The following CNTNAP5 variants were observed in gnomAD, a reference collection of about 807,000 sequenced individuals.
CNTNAP5 encodes contactin-associated protein-like 5.
A neutral mutation model predicts 150.2 loss-of-function variants in CNTNAP5; 72 were observed. That is an observed-to-expected ratio of 0.48 (90% CI 0.40 to 0.58). CNTNAP5 has a LOEUF of 0.58. Ranked by LOEUF, CNTNAP5 falls within the 20% of genes least tolerant of loss-of-function variation. The probability of loss-of-function intolerance (pLI) is 0.00; values close to 1 mark genes in which losing one functional copy is unlikely to be tolerated. For missense variants in CNTNAP5, 1,636 were observed against 1,626.2 expected (o/e 1.01, Z -0.10); for synonymous variants, 672 against 619.8 (o/e 1.08, Z -1.25).
chr2:124,103,559 T>C (rs144287640), intron 1 of CNTNAP5, among the ~76,000 whole-genome samples: 109 of 152,232 alleles, frequency 7.2e-4, no homozygotes, highest in African/African-American at 2.5e-3. Flanking sequence ...TGTTTAGCTA[T>C]GTTAAAATAC....
chr2:124,722,451 T>A (rs1162125092), intron 13 of CNTNAP5, among the ~76,000 whole-genome samples: 1 of 152,144 alleles, frequency 6.6e-6, no homozygotes, highest in Admixed American at 6.5e-5. Flanking sequence ...AAGGAGAAAT[T>A]GAGAAGAAGA....
intron 8 of CNTNAP5, among the ~76,000 whole-genome samples, chr2:124,519,305 T>A (rs1333416853): frequency 1.3e-5 from 2 of 151,752 alleles, no homozygotes; most frequent in African/African-American, 4.8e-5. Flanking sequence ...TTAAAAACCA[T>A]TGGGTTTCAC....
rs146591991 is a variant in CNTNAP5, at chr2:124,353,528, C to T, written c.382-63915C>T. Among the ~76,000 whole-genome samples, 3 of 152,246 alleles carry T rather than the reference C, an allele frequency of 2.0e-5. No individual in the cohort carries two copies. The East Asian group carries it at 5.8e-4, about 29-fold the overall frequency. On this transcript the variant is annotated intron_variant, in intron 3 of 23. Transcript: ENST00000682447. Reference sequence around the variant, plus strand: ...GGTCAGACAGGCAATGCATATTTTACACAGAAAACTATAAGCCTGTCCCAT... The same window carrying T: ...GGTCAGACAGGCAATGCATATTTTATACAGAAAACTATAAGCCTGTCCCAT...
rs368302731 is a variant in CNTNAP5 at position 124,616,194 on chromosome 2, TTCTTC to T, written c.1876+6283_1876+6287del. Among the ~76,000 whole-genome samples the T allele has an allele frequency of 5.7e-3, 874 of 152,312 alleles. 8 individuals carry two copies. The highest frequency in any genetic ancestry group is 0.02 in the African/African-American group (825 of 41,564). On this transcript the variant is annotated intron_variant, in intron 12 of 23. Transcript: ENST00000682447. ...GAAGCTTTAAAGATAGGCATTGTCT[TTCTTC>T]TCTTCTCTACCTCTGATAATCTTAG... is the stretch of plus-strand genomic sequence containing the variant.
intron 8 of CNTNAP5, among the ~76,000 whole-genome samples, chr2:124,508,350 A>T (rs1326857439): frequency 6.6e-6 from 1 of 152,194 alleles, no homozygotes; most frequent in Non-Finnish European, 1.5e-5. Context: ...CATGTTCCAA[A>T]TTATAAAAAT....
At chr2:124,275,776 ATTC>A in intron 3 of CNTNAP5, among the ~76,000 whole-genome samples, 1 of 152,226 alleles carries the variant, frequency 6.6e-6, no homozygotes, top group East Asian at 1.9e-4. Context: ...AATCTCCAGT[ATTC>A]TTGGCATTTA....
At chr2:124,303,141 T>A (rs1156581200) in intron 3 of CNTNAP5, among the ~76,000 whole-genome samples, 1 of 152,110 alleles carries the variant, frequency 6.6e-6, no homozygotes, top group Non-Finnish European at 1.5e-5. Context: ...TCACTCCTTC[T>A]CATGAACATT....
intron 22 of CNTNAP5, among the ~76,000 whole-genome samples, chr2:124,909,199 T>G (rs905777800): frequency 2.0e-5 from 3 of 152,172 alleles, no homozygotes; most frequent in African/African-American, 7.2e-5. Flanking sequence ...AAGTGCCCTG[T>G]GCAGGTGTAG....
At chr2:124,483,402 C>T (rs1042524450) in intron 7 of CNTNAP5, among the ~76,000 whole-genome samples, 2 of 152,288 alleles carry the variant, frequency 1.3e-5, no homozygotes, top group African/African-American at 2.4e-5. Flanking sequence ...TCACCATTAG[C>T]GCAGGCCGGT....
chr2:124,066,232 C>A (rs1222597916), intron 1 of CNTNAP5, among the ~76,000 whole-genome samples: 1 of 152,136 alleles, frequency 6.6e-6, no homozygotes, highest in Non-Finnish European at 1.5e-5. Flanking sequence ...TGGATACTCA[C>A]ACTAAAACTC....
intron 3 of CNTNAP5, among the ~76,000 whole-genome samples, chr2:124,362,619 A>T (rs1442088735): frequency 6.6e-6 from 1 of 152,194 alleles, no homozygotes; most frequent in Non-Finnish European, 1.5e-5. Flanking sequence ...ACTGTTATTT[A>T]TGGGGCTGTG....
chr2:124,599,098 C>G (rs571315392), intron 11 of CNTNAP5, among the ~76,000 whole-genome samples: 2 of 152,090 alleles, frequency 1.3e-5, no homozygotes, highest in Non-Finnish European at 2.9e-5. Flanking sequence ...AGAAATCACC[C>G]GTCTTCTGCG....
At chr2:124,568,129 A>C (rs1055271491) in intron 11 of CNTNAP5, among the ~76,000 whole-genome samples, 3 of 152,172 alleles carry the variant, frequency 2.0e-5, no homozygotes, top group South Asian at 4.1e-4. Flanking sequence ...TGTATTACAA[A>C]CTTGGTGATG....
At chr2:124,029,074 C>T (rs1335125090) in intron 1 of CNTNAP5, among the ~76,000 whole-genome samples, 1 of 151,928 alleles carries the variant, frequency 6.6e-6, no homozygotes, top group East Asian at 1.9e-4. Flanking sequence ...GAATGATTTC[C>T]ATGTGCAGTA....
At chr2:124,459,076 G>A (rs1341512743) in intron 6 of CNTNAP5, among the ~76,000 whole-genome samples, 1 of 152,190 alleles carries the variant, frequency 6.6e-6, no homozygotes, top group East Asian at 1.9e-4. Context: ...ATTAGCAAAT[G>A]TGTGCAATGG....
At chr2:124,342,433 G>C (rs932725077) in intron 3 of CNTNAP5, among the ~76,000 whole-genome samples, 4 of 152,118 alleles carry the variant, frequency 2.6e-5, no homozygotes, top group African/African-American at 9.7e-5. Flanking sequence ...GCAGCCCCGT[G>C]AACCGTGTAT....
chr2:124,434,354 C>T, intron 4 of CNTNAP5, 130 bp from the exon 5 acceptor site: 1 of 705,084 alleles, frequency 1.4e-6, no homozygotes, highest in East Asian at 2.6e-5. Flanking sequence ...TACATGTTTC[C>T]TGTTGAGACT....
At chr2:124,392,857 T>A (rs961058361) in intron 3 of CNTNAP5, among the ~76,000 whole-genome samples, 6 of 152,156 alleles carry the variant, frequency 3.9e-5, no homozygotes, top group African/African-American at 1.4e-4. Flanking sequence ...TAAGGAATTA[T>A]AAAGAAGCAC....
At chr2:124,575,724 A>C (rs1696268631) in intron 11 of CNTNAP5, among the ~76,000 whole-genome samples, 1 of 152,202 alleles carries the variant, frequency 6.6e-6, no homozygotes, top group Non-Finnish European at 1.5e-5. Flanking sequence ...GAGGTCATGC[A>C]CTTTGGCTTT....
Sources: gnomAD v4.1 joint callset for allele counts (sites outside exome capture counted in the v4.1 genomes callset) on GRCh38, gnomAD v4.1.1 for gene constraint, MANE v1.5 for transcripts, NCBI Gene and HGNC (gene_info 2026-07-23, HGNC 2026-07-21) for gene names.